The following LINGO2 variants were observed in gnomAD, a reference collection of about 807,000 sequenced individuals.
LINGO2 encodes leucine rich repeat and Ig domain containing 2, also known as leucine-rich repeat and immunoglobulin-like domain-containing nogo receptor-interacting protein 2.
Under a neutral mutation model 30.6 loss-of-function variants are expected in LINGO2, and 14 were observed. The ratio of observed to expected loss-of-function variants is 0.46; its 90% CI spans 0.30 to 0.72. The LOEUF (loss-of-function observed/expected upper bound fraction) is 0.72. Among genes scored for constraint, LINGO2 ranks in the 30% least tolerant of loss-of-function variants. LINGO2 has a pLI of 0.07. For missense variants in LINGO2, 729 were observed against 751.7 expected (o/e 0.97, Z 0.35); for synonymous variants, 317 against 288.5 (o/e 1.10, Z -1.00).
intron 4 of LINGO2, among the ~76,000 whole-genome samples, chr9:28,076,817 A>T (rs959823177): frequency 6.6e-6 from 1 of 152,116 alleles, no homozygotes; most frequent in African/African-American, 2.4e-5. Flanking sequence ...GTGAAAAGTT[A>T]CCTGTCAAAC....
chr9:28,056,402 C>A (rs1243097386), intron 4 of LINGO2, among the ~76,000 whole-genome samples: 2 of 152,086 alleles, frequency 1.3e-5, no homozygotes, highest in Non-Finnish European at 2.9e-5. Flanking sequence ...TTCTTTCAGC[C>A]TCCATCAGTT....
At chr9:28,452,771 A>C (rs895570245) in intron 2 of LINGO2, among the ~76,000 whole-genome samples, 1 of 151,944 alleles carries the variant, frequency 6.6e-6, no homozygotes, top group African/African-American at 2.4e-5. Context: ...AAAGAAGTAC[A>C]GTCTAGACAA....
chr9:28,944,756 C>T, the LINGO2 span, among the ~76,000 whole-genome samples: 1 of 151,494 alleles, frequency 6.6e-6, no homozygotes, highest in African/African-American at 2.4e-5. Context: ...GAAGCTTAAT[C>T]ACTAATAATT....
At chr9:28,996,185 G>A in the LINGO2 span, among the ~76,000 whole-genome samples, 2 of 150,480 alleles carry the variant, frequency 1.3e-5, no homozygotes, top group Non-Finnish European at 2.9e-5. Context: ...CTAAGATTAT[G>A]AACTGAATGA....
chr9:28,030,152 G>A (rs1027784521), intron 4 of LINGO2, among the ~76,000 whole-genome samples: 1 of 152,152 alleles, frequency 6.6e-6, no homozygotes, highest in Admixed American at 6.5e-5. Flanking sequence ...TTATAGGGAA[G>A]AATCAAACAC....
intron 3 of LINGO2, among the ~76,000 whole-genome samples, chr9:28,319,059 C>G (rs1824943850): frequency 6.6e-6 from 1 of 152,014 alleles, no homozygotes; most frequent in Admixed American, 6.6e-5. Context: ...TAGTCAGTGA[C>G]AATTTATGTA....
the LINGO2 span, among the ~76,000 whole-genome samples, chr9:28,921,201 T>C: frequency 6.6e-6 from 1 of 152,194 alleles, no homozygotes; most frequent in South Asian, 2.1e-4. Flanking sequence ...TTAAGCAGTT[T>C]CAGAGACAAA....
chr9:28,987,545 T>G, the LINGO2 span, among the ~76,000 whole-genome samples: 2 of 152,118 alleles, frequency 1.3e-5, no homozygotes, highest in Non-Finnish European at 2.9e-5. Flanking sequence ...CATTTATTTC[T>G]GCCTTCTTCT....
the LINGO2 span, among the ~76,000 whole-genome samples, chr9:28,905,792 G>A: frequency 6.6e-6 from 1 of 151,978 alleles, no homozygotes; most frequent in Non-Finnish European, 1.5e-5. Flanking sequence ...ATATGATCCA[G>A]CAATCCCACT....
chr9:28,340,947 T>C (rs1825745890), intron 3 of LINGO2, among the ~76,000 whole-genome samples: 1 of 152,110 alleles, frequency 6.6e-6, no homozygotes, highest in African/African-American at 2.4e-5. Context: ...GTGTATCTTT[T>C]CCCCATTCTC....
chr9:28,007,824 TCA>T (rs1822342263), intron 5 of LINGO2, among the ~76,000 whole-genome samples: 1 of 152,164 alleles, frequency 6.6e-6, no homozygotes, highest in Non-Finnish European at 1.5e-5. Flanking sequence ...GGTGTGAAAG[TCA>T]CAAAAGAAAT....
In LINGO2 at chr9:28,056,077, G is replaced by A. The variant is rs575763064; in HGVS notation, c.-86-43672C>T. Among the ~76,000 whole-genome samples the A allele has an allele frequency of 1.4e-4, 21 of 152,214 alleles. 1 individual carries two copies. Among genetic ancestry groups the A allele is most frequent in the Admixed American group, 3.3e-4 (5 of 15,278 alleles). ...GGAAAGATCCAGAGAAAAAAGAAAG[G>A]AGCTCCCCGCTTTCAGTGAGCAAAG... On this transcript the variant is annotated intron_variant, in intron 4 of 5. Transcript: ENST00000379992.
At chr9:28,769,462 C>CCATATATA in the LINGO2 span, among the ~76,000 whole-genome samples, 2 of 62,384 alleles carry the variant, frequency 3.2e-5, no homozygotes, top group African/African-American at 8.4e-5. Context: ...CAGTTACATG[C>CCATATATA]TATATATATA....
chr9:28,205,762 A>T (rs1410744854), intron 4 of LINGO2, among the ~76,000 whole-genome samples: 2 of 152,184 alleles, frequency 1.3e-5, no homozygotes, highest in African/African-American at 4.8e-5. Flanking sequence ...ATTACTCCTC[A>T]TCATTTTCTG....
At position 28,189,285 on chromosome 9, in the gene LINGO2, G is replaced by A. The variant is rs12683823; in HGVS notation, c.-87+105923C>T. 5.3e-3 allele frequency among the ~76,000 whole-genome samples: 149 copies of A among 28,062 alleles called. 2 individuals are homozygous for A. The highest frequency in any genetic ancestry group is 0.012 in the African/African-American group (93 of 7,684). 18.4% of individuals were successfully genotyped at this position (28,062 alleles called of 152,430 possible). On this transcript the variant is annotated intron_variant, in intron 4 of 5. Transcript: ENST00000379992. ...GAAGGGAGGGAGGAAGGGAGGGAGG[G>A]AGGGAGGAAGGAAGGAAGGGAGGAA...
chr9:29,071,874 G>A, the LINGO2 span, among the ~76,000 whole-genome samples: 7 of 152,000 alleles, frequency 4.6e-5, no homozygotes, highest in African/African-American at 1.4e-4. Context: ...TCTGACTTAG[G>A]TAGGATAAAA....
At chr9:28,587,994 G>C (rs1480881094) in intron 1 of LINGO2, among the ~76,000 whole-genome samples, 1 of 151,994 alleles carries the variant, frequency 6.6e-6, no homozygotes, top group African/African-American at 2.4e-5. Flanking sequence ...CCATGGACCA[G>C]GGATATCTAA....
chr9:29,145,425 T>C, the LINGO2 span, among the ~76,000 whole-genome samples: 1 of 152,136 alleles, frequency 6.6e-6, no homozygotes, highest in Non-Finnish European at 1.5e-5. Flanking sequence ...TTAGTGTTTT[T>C]TTTTTTCCTT....
chr9:28,912,331 G>T, the LINGO2 span, among the ~76,000 whole-genome samples: 55 of 152,022 alleles, frequency 3.6e-4, no homozygotes, highest in African/African-American at 1.3e-3. Flanking sequence ...GCCTTTGTTG[G>T]GTTTGTTCCT....
Sources: gnomAD v4.1 joint callset for allele counts (sites outside exome capture counted in the v4.1 genomes callset) on GRCh38, gnomAD v4.1.1 for gene constraint, MANE v1.5 for transcripts, NCBI Gene and HGNC (gene_info 2026-07-23, HGNC 2026-07-21) for gene names.